Variants in RETREG1 observed in about 807,000 individuals in gnomAD.
The protein encoded by RETREG1 is reticulophagy regulator 1, also known as family with sequence similarity 134 member B.
RETREG1 carries 44 observed loss-of-function variants against 54.8 expected under a neutral mutation model. The observed-to-expected ratio is 0.80, with a 90% CI of 0.63 to 1.03. The LOEUF is 1.03. RETREG1 is among the 50% of genes least tolerant of loss of function. The pLI, the probability that RETREG1 is intolerant of heterozygous loss-of-function variation, is 0.00. For missense variants in RETREG1, 554 were observed against 605.1 expected, an observed-to-expected ratio of 0.92 and a Z score of 0.89; for synonymous variants, 217 against 238.5, an observed-to-expected ratio of 0.91 and a Z score of 0.83.
Position 16,474,905 on chromosome 5 carries a change from C to T in RETREG1, c.1330G>A (p.Glu444Lys). 6.2e-6 allele frequency: 10 copies of T among 1,613,912 alleles called. No individual in the cohort carries two copies. Among genetic ancestry groups the T allele is most frequent in the Non-Finnish European group, 8.5e-6 (10 of 1,179,942 alleles). The change falls in exon 9 of 9, where the codon GAA (glutamate) becomes AAA (lysine). Residue 444 changes from glutamate (E) to lysine (K), a missense_variant. Transcript: ENST00000306320. ...CCTTCTTCAGTGTCTGTGTCCTCTT[C>T]TGGGATGGGGGCAGCCTGAGAAAGT... ...QALSQAAPIPEEDTDTEEGDD... is the reference protein window; with the variant it reads ...QALSQAAPIPKEDTDTEEGDD...
chr5:16,528,550 G>A (rs554921653), intron 3 of RETREG1, among the ~76,000 whole-genome samples: 23 of 152,268 alleles, frequency 1.5e-4, no homozygotes, highest in African/African-American at 4.3e-4. Context: ...GGGGGCCAAG[G>A]AGGAGTGAGA....
intron 3 of RETREG1, among the ~76,000 whole-genome samples, chr5:16,562,649 CTGAAATT>C (rs1464691333): frequency 6.6e-6 from 1 of 152,216 alleles, no homozygotes; most frequent in African/African-American, 2.4e-5. Flanking sequence ...CATTTTACCT[CTGAAATT>C]TTTCTCCCAA....
intron 3 of RETREG1, among the ~76,000 whole-genome samples, chr5:16,526,898 G>A (rs539856391): frequency 2.0e-5 from 3 of 152,260 alleles, no homozygotes; most frequent in South Asian, 4.1e-4. Flanking sequence ...GTCCTTTTTG[G>A]GTACCATCTT....
chr5:16,555,782 T>C (rs1257381898), intron 3 of RETREG1, among the ~76,000 whole-genome samples: 1 of 152,186 alleles, frequency 6.6e-6, no homozygotes, highest in African/African-American at 2.4e-5. Flanking sequence ...TTGGGGACTA[T>C]AGATAAATAA....
At chr5:16,500,284 C>A (rs1211999416) in intron 3 of RETREG1, among the ~76,000 whole-genome samples, 2 of 152,300 alleles carry the variant, frequency 1.3e-5, no homozygotes, top group East Asian at 3.9e-4. Flanking sequence ...ATTGCTACAT[C>A]CAGGTTTTGC....
rs527621687 is a variant in RETREG1, at chr5:16,529,383, G to A, written c.458+36380C>T. On this transcript the variant is annotated intron_variant, in intron 3 of 8. Transcript: ENST00000306320. ...GGAATGGGGAACGTTGTTTTTTACC[G>A]CATTGGCTAAGTTTCTGGAAAAGAT... is the stretch of plus-strand genomic sequence containing the variant. 1.5e-4 allele frequency among the ~76,000 whole-genome samples: 23 copies of A among 152,208 alleles called. No homozygotes were observed. In the Middle Eastern group the frequency reaches 0.01, roughly 68 times the overall value.
In RETREG1 at chr5:16,616,687, G is replaced by C. The variant is rs1554026716; in HGVS notation, c.285C>G (p.Ser95Arg). The change falls in exon 1 of 9, where the codon AGC becomes AGG. Residue 95 changes from serine to arginine, a missense_variant. By Grantham distance (110) the Ser-to-Arg change is moderately radical. This residue lies in a region of RETREG1 where 175 missense variants were observed against 142.1 expected (regional missense o/e 1.23). Transcript: ENST00000306320. ...ELLSWKRPLRSLLGFVAANLL... is the reference protein window; with the variant it reads ...ELLSWKRPLRRLLGFVAANLL... ...GGTTGGCAGCGACGAAGCCGAGCAGGCTCCGCAGCGGCCTCTTCCAGCTCA... is the reference window on the plus strand; with the variant it reads ...GGTTGGCAGCGACGAAGCCGAGCAGCCTCCGCAGCGGCCTCTTCCAGCTCA... 3 of 1,595,808 alleles carry C rather than the reference G, an allele frequency of 1.9e-6. No individual in the cohort carries two copies. Among genetic ancestry groups the C allele is most frequent in the Admixed American group, 3.4e-5 (2 of 59,480 alleles).
chr5:16,478,054 A>C lies in RETREG1; in HGVS notation c.853T>G (p.Phe285Val). The C allele has an allele frequency of 6.2e-7, 1 of 1,609,920 alleles. No individual in the cohort carries two copies. Among genetic ancestry groups the C allele is most frequent in the Non-Finnish European group, 8.5e-7 (1 of 1,177,872 alleles). Reference protein sequence around the residue: ...KSHKDDSELDFSALCPKISLT... With the variant: ...KSHKDDSELDVSALCPKISLT... ...AATACCTTAGGACAAAGAGCTGAAA[A>C]GTCTAATTCACTGTCATCTTTGTGA... The change falls in exon 7 of 9, where the codon TTT becomes GTT. Residue 285 changes from phenylalanine to valine, a missense_variant. This residue lies in a region of RETREG1 where 347 missense variants were observed against 412.3 expected (regional missense o/e 0.84). Coordinates refer to ENST00000306320, the MANE Select transcript of RETREG1 (RefSeq NM_001034850.3).
chr5:16,478,467 G>C (rs1738633668), intron 6 of RETREG1, among the ~76,000 whole-genome samples: 1 of 152,086 alleles, frequency 6.6e-6, no homozygotes, highest in Non-Finnish European at 1.5e-5. Flanking sequence ...ATACATTCTA[G>C]TTTGAGAACC....
chr5:16,577,909 C>T (rs1463872450), intron 1 of RETREG1, among the ~76,000 whole-genome samples: 1 of 152,212 alleles, frequency 6.6e-6, no homozygotes, highest in Admixed American at 6.5e-5. Flanking sequence ...GCCTCCTCAG[C>T]CACGTGGAAC....
chr5:16,553,679 T>C (rs895367925), intron 3 of RETREG1, among the ~76,000 whole-genome samples: 2 of 152,142 alleles, frequency 1.3e-5, no homozygotes, highest in African/African-American at 2.4e-5. Context: ...TGCTTGCTTC[T>C]GGCAGGCAGC....
At chr5:16,499,651 G>A (rs552122452) in intron 3 of RETREG1, among the ~76,000 whole-genome samples, 3 of 152,310 alleles carry the variant, frequency 2.0e-5, no homozygotes, top group South Asian at 2.1e-4. Context: ...CTAGCAAGGC[G>A]GCCATTCCTG....
At chr5:16,505,728 G>C (rs2447806) in intron 3 of RETREG1, among the ~76,000 whole-genome samples, 2 of 151,882 alleles carry the variant, frequency 1.3e-5, no homozygotes. Flanking sequence ...CCAGGCCCCG[G>C]CTCCAAGGTG....
At chr5:16,522,888 C>T (rs1414304554) in intron 3 of RETREG1, among the ~76,000 whole-genome samples, 2 of 152,018 alleles carry the variant, frequency 1.3e-5, no homozygotes, top group Non-Finnish European at 2.9e-5. Context: ...AGCCTGTAGT[C>T]CCAGCTATTC....
At chr5:16,615,641 C>A (rs1414796023) in intron 1 of RETREG1, among the ~76,000 whole-genome samples, 2 of 152,036 alleles carry the variant, frequency 1.3e-5, no homozygotes, top group Non-Finnish European at 2.9e-5. Context: ...CAGGGACCTC[C>A]GACAAGATAC....
chr5:16,550,138 T>TACACCCCAGTGAGGATACTACACCATG (rs1389131727), intron 3 of RETREG1, among the ~76,000 whole-genome samples: 29 of 152,190 alleles, frequency 1.9e-4, no homozygotes, highest in South Asian at 4.2e-4. Flanking sequence ...AATAATGCAA[T>TACACCCCAGTGAGGATACTACACCATG]ACACCCCAGT....
chr5:16,496,511 C>T (rs1263125678), intron 3 of RETREG1, among the ~76,000 whole-genome samples: 1 of 152,180 alleles, frequency 6.6e-6, no homozygotes, highest in South Asian at 2.1e-4. Context: ...CCATTCACCT[C>T]CCACTGGCTG....
chr5:16,487,317 A>G (rs1739057471), intron 3 of RETREG1, among the ~76,000 whole-genome samples: 1 of 152,140 alleles, frequency 6.6e-6, no homozygotes, highest in Admixed American at 6.5e-5. Context: ...TCTTTGGTTC[A>G]TCTTTCTATC....
intron 3 of RETREG1, among the ~76,000 whole-genome samples, chr5:16,514,592 T>G (rs1178137414): frequency 6.6e-6 from 1 of 152,110 alleles, no homozygotes; most frequent in African/African-American, 2.4e-5. Context: ...CATGGATAAG[T>G]TCTTTAGTGG....
Sources: allele counts gnomAD v4.1 joint callset (sites outside exome capture counted in the v4.1 genomes callset), GRCh38; gene constraint gnomAD v4.1.1; regional missense constraint gnomAD v4.1.1; transcripts MANE v1.5; gene names NCBI Gene and HGNC (gene_info 2026-07-23, HGNC 2026-07-21).